ADGRL1: variants seen among roughly 807,000 people sequenced by gnomAD.
ADGRL1 encodes CIRL-1.
A neutral mutation model predicts 148.9 loss-of-function variants in ADGRL1; 31 were observed. That is an observed-to-expected ratio of 0.21 (90% CI 0.16 to 0.28). The LOEUF (loss-of-function observed/expected upper bound fraction) is 0.28. ADGRL1 is among the 10% of genes least tolerant of loss of function. ADGRL1 has a pLI of 1.00. For missense variants in ADGRL1, 1,521 were observed against 2,058.8 expected, an observed-to-expected ratio of 0.74 and a Z score of 5.05; for synonymous variants, 937 against 900.3, an observed-to-expected ratio of 1.04 and a Z score of -0.73.
In ADGRL1 at chr19:14,155,133, G is replaced by A; in HGVS notation, c.3294+226C>T. On this transcript the variant is annotated intron_variant, in intron 18 of 22. Transcript: ENST00000361434. This position sits in a 1 kb window ranked among gnomAD's most constrained non-coding sequence, Gnocchi z 5.0. ...TGTTCTGCTCTCACTCCTCTAAGTTGCTGTATCTTGTTTTCCAGAACCCTC... is the reference window on the plus strand; with the variant it reads ...TGTTCTGCTCTCACTCCTCTAAGTTACTGTATCTTGTTTTCCAGAACCCTC... 2.5e-6 allele frequency: 1 copy of A among 402,732 alleles called. No individual in the cohort carries two copies. The highest frequency in any genetic ancestry group is 4.6e-6 in the Non-Finnish European group (1 of 218,348). The allele number at this position is 402,732 out of a possible 1,614,324, so 24.9% of individuals were successfully genotyped here.
At chr19:14,205,260 G>T (rs1383380734) in intron 1 of ADGRL1, among the ~76,000 whole-genome samples, 1 of 151,900 alleles carries the variant, frequency 6.6e-6, no homozygotes, top group African/African-American at 2.4e-5. Flanking sequence ...GGTGGGGGTG[G>T]GGAGCTGTCC....
intron 12 of ADGRL1, 44 bp downstream of exon 12, chr19:14,158,294 G>T (rs773049820): frequency 5.7e-6 from 9 of 1,585,596 alleles, no homozygotes; most frequent in Non-Finnish European, 7.8e-6. Flanking sequence ...GGAACACAGA[G>T]GGTACAGGGA....
chr19:14,182,327 C>G (rs1425539785), intron 2 of ADGRL1, among the ~76,000 whole-genome samples: 1 of 152,244 alleles, frequency 6.6e-6, no homozygotes, highest in Non-Finnish European at 1.5e-5. Flanking sequence ...GCAGCACCTT[C>G]TGTGACGCTG....
At chr19:14,187,624 A>G (rs1189670669) in intron 1 of ADGRL1, among the ~76,000 whole-genome samples, 3 of 115,750 alleles carry the variant, frequency 2.6e-5, no homozygotes, top group Non-Finnish European at 3.5e-5. Context: ...CTGACTAGAC[A>G]CGGCCAGTGT....
In ADGRL1 at chr19:14,190,432, G is replaced by T. The variant is rs541046761; in HGVS notation, c.-95-6735C>A. ...CAGGTGTGTGCCACCATGCTTGGCT[G>T]ATTTTAAATTTTTTTGTGGAGACAG... On this transcript the variant is annotated intron_variant, in intron 1 of 22. Transcript: ENST00000361434. 3.1e-4 allele frequency among the ~76,000 whole-genome samples: 47 copies of T among 152,184 alleles called. 1 individual carries two copies. In the South Asian group the frequency reaches 9.8e-3, roughly 32 times the overall value.
At chr19:14,156,268 T>G (rs1229375874) in intron 16 of ADGRL1, 67 bp from the exon 17 acceptor site, 9 of 1,255,038 alleles carry the variant, frequency 7.2e-6, no homozygotes, top group Non-Finnish European at 9.2e-6. Flanking sequence ...GCACTGAGGC[T>G]AGGGCCCAGC....
At chr19:14,180,075 C>T (rs1971084743) in intron 2 of ADGRL1, among the ~76,000 whole-genome samples, 1 of 152,104 alleles carries the variant, frequency 6.6e-6, no homozygotes, top group African/African-American at 2.4e-5. Context: ...GAACTGAGCT[C>T]CAATACAAAC....
At chr19:14,156,814 C>A in intron 15 of ADGRL1, 90 bp from the exon 16 acceptor site, 1 of 1,530,284 alleles carries the variant, frequency 6.5e-7, no homozygotes, top group Non-Finnish European at 8.9e-7. Flanking sequence ...AGGCTGCAGC[C>A]TCTGGGATCA....
At chr19:14,200,935 A>T (rs1972560056) in intron 1 of ADGRL1, among the ~76,000 whole-genome samples, 1 of 152,204 alleles carries the variant, frequency 6.6e-6, no homozygotes, top group African/African-American at 2.4e-5. Context: ...TCTACTCTAC[A>T]GCCATCACTG....
Position 14,161,530 on chromosome 19 carries a change from C to T in ADGRL1, c.1292G>A (p.Arg431Gln), listed in dbSNP as rs372598910. The change falls in exon 6 of 23, where the codon CGG becomes CAG. Residue 431 changes from arginine to glutamine, a missense_variant. Physicochemically the swap from Arg to Gln is conservative, Grantham distance 43. Around this residue, in one of 8 missense-constraint regions of ADGRL1, gnomAD observed 270 missense variants for 320.4 expected, o/e 0.84. Coordinates refer to ENST00000361434, the MANE Select transcript of ADGRL1 (RefSeq NM_014921.5). This position sits in a 1 kb window ranked among gnomAD's most constrained non-coding sequence, Gnocchi z 4.4. The stretch of plus-strand genomic sequence containing the variant: ...CACTGGGTGCGTGGTGAGGGGTGCC[C>T]GGCGGAGCGGGGTGGTGGCTGCGGG... The part of the protein sequence containing the change: ...ASPAATTPLR[R>Q]APLTTHPVGA... 235 of 1,438,742 alleles carry T rather than the reference C, an allele frequency of 1.6e-4. No homozygotes were observed. The highest frequency in any genetic ancestry group is 2.0e-4 in the Non-Finnish European group (224 of 1,094,690). The allele number at this position is 1,438,742 out of a possible 1,614,324, so 89.1% of individuals were successfully genotyped here.
chr19:14,168,203 G>C (rs1470697162), intron 4 of ADGRL1, among the ~76,000 whole-genome samples: 1 of 151,910 alleles, frequency 6.6e-6, no homozygotes, highest in African/African-American at 2.4e-5. Flanking sequence ...CTCTCTGAAG[G>C]TTCCAGCAGG....
chr19:14,163,979 C>T (rs1022103860), intron 4 of ADGRL1, among the ~76,000 whole-genome samples: 1 of 151,808 alleles, frequency 6.6e-6, no homozygotes, highest in Non-Finnish European at 1.5e-5. Flanking sequence ...CTTCCTCCTG[C>T]AAAAATTGCA....
chr19:14,180,287 G>A (rs1239775660), intron 2 of ADGRL1, among the ~76,000 whole-genome samples: 1 of 151,976 alleles, frequency 6.6e-6, no homozygotes, highest in Non-Finnish European at 1.5e-5. Context: ...ACAGAGTCTC[G>A]CTCTGTCACC....
chr19:14,164,735 T>G (rs1969788825), intron 4 of ADGRL1: 1 of 128,868 alleles, frequency 7.8e-6, no homozygotes, highest in Non-Finnish European at 1.6e-5. Context: ...CAACTGCATC[T>G]CGTTGGCCAC....
At chr19:14,175,084 C>A (rs1208868225) in intron 3 of ADGRL1, among the ~76,000 whole-genome samples, 1 of 151,678 alleles carries the variant, frequency 6.6e-6, no homozygotes, top group Non-Finnish European at 1.5e-5. Flanking sequence ...CTAAAGCGAT[C>A]CCCCTGCCTC....
chr19:14,159,300 A>C lies in ADGRL1; in HGVS notation c.2024-85T>G. On this transcript the variant is annotated intron_variant, in intron 10 of 22. Transcript: ENST00000361434. This position sits in a 1 kb window ranked among gnomAD's most constrained non-coding sequence, Gnocchi z 6.0. Reference sequence around the variant, plus strand: ...TCAGGCTGCAGAACGAGACTCTGGCAAGATGCCCAAGGGTCGGATAGCCCC... The same window carrying C: ...TCAGGCTGCAGAACGAGACTCTGGCCAGATGCCCAAGGGTCGGATAGCCCC... The C allele has an allele frequency of 6.3e-7, 1 of 1,579,148 alleles. No individual in the cohort carries two copies. The highest frequency in any genetic ancestry group is 8.6e-7 in the Non-Finnish European group (1 of 1,158,478).
intron 18 of ADGRL1, 119 bp from the exon 19 acceptor site, chr19:14,153,031 CTG>C (rs1421212030): frequency 4.3e-6 from 5 of 1,171,060 alleles, no homozygotes; most frequent in African/African-American, 1.5e-5. Flanking sequence ...CTTCCAATGA[CTG>C]TGTTCCCCTG....
rs1968652820 is a variant in ADGRL1, at chr19:14,155,652, CGG to C, written c.3126-127_3126-126del. ...TGGGCACTGTCTGCAAAGCCCTGAGCGGGCCGAGTGGGCCTTGGGGGCAGTGG... is the reference window on the plus strand; with the variant it reads ...TGGGCACTGTCTGCAAAGCCCTGAGCGCCGAGTGGGCCTTGGGGGCAGTGG... On this transcript the variant is annotated intron_variant, in intron 17 of 22. Transcript: ENST00000361434. This position sits in a 1 kb window ranked among gnomAD's most constrained non-coding sequence, Gnocchi z 5.0. 1 of 975,656 alleles carries C rather than the reference CGG, an allele frequency of 1.0e-6. No homozygotes were observed. The allele number at this position is 975,656 out of a possible 1,614,324, so 60.4% of individuals were successfully genotyped here.
chr19:14,172,030 G>T (rs1333372168), intron 3 of ADGRL1, among the ~76,000 whole-genome samples: 4 of 152,214 alleles, frequency 2.6e-5, no homozygotes, highest in African/African-American at 9.7e-5. Context: ...AGACACTTGA[G>T]AAGGGACTAA....
Sources: allele counts gnomAD v4.1 joint callset (sites outside exome capture counted in the v4.1 genomes callset), GRCh38; gene constraint gnomAD v4.1.1; regional missense constraint gnomAD v4.1.1; non-coding constraint Gnocchi (gnomAD v3.1); transcripts MANE v1.5; gene names NCBI Gene and HGNC (gene_info 2026-07-23, HGNC 2026-07-21).